The following USP25 variants were observed in gnomAD, a reference collection of about 807,000 sequenced individuals.
The protein encoded by USP25 is ubiquitin carboxyl-terminal hydrolase 25.
In USP25, 85 loss-of-function variants were observed where a neutral mutation model predicts 158.5. The ratio of observed to expected loss-of-function variants is 0.54; its 90% CI spans 0.45 to 0.64. USP25 has a LOEUF of 0.64. USP25 is among the 30% of genes least tolerant of loss of function. The probability of loss-of-function intolerance (pLI) is 0.00; values close to 1 mark genes in which losing one functional copy is unlikely to be tolerated. For missense variants in USP25, 1,242 were observed against 1,327.3 expected (o/e 0.94, Z 1.00); for synonymous variants, 464 against 460.4 (o/e 1.01, Z -0.10).
intron 17 of USP25, 53 bp from the exon 18 acceptor site, chr21:15,842,345 G>A: frequency 3.2e-6 from 5 of 1,571,730 alleles, no homozygotes; most frequent in South Asian, 1.2e-5. Context: ...ATTTATCTTA[G>A]TATAGACTCT....
At chr21:15,825,260 T>A (rs1026325656) in intron 12 of USP25, among the ~76,000 whole-genome samples, 199 bp downstream of exon 12, 1 of 152,232 alleles carries the variant, frequency 6.6e-6, no homozygotes, top group African/African-American at 2.4e-5. Context: ...AAATTAAATA[T>A]CTCATTGTCA....
intron 14 of USP25, among the ~76,000 whole-genome samples, chr21:15,829,694 C>T (rs1348354061): frequency 6.6e-6 from 1 of 152,110 alleles, no homozygotes; most frequent in Non-Finnish European, 1.5e-5. Flanking sequence ...GATATTAACA[C>T]TTTACCTATA....
At chr21:15,765,025 C>G (rs1745119568) in intron 2 of USP25, among the ~76,000 whole-genome samples, 1 of 152,226 alleles carries the variant, frequency 6.6e-6, no homozygotes. Context: ...CTCCTCTAGT[C>G]TATTCTTAAT....
chr21:15,818,959 A>T, intron 10 of USP25, 113 bp downstream of exon 10: 1 of 1,267,890 alleles, frequency 7.9e-7, no homozygotes. Flanking sequence ...GAGAATACTC[A>T]GAGAGTATGT....
In USP25 at chr21:15,745,617, A is replaced by C. The variant is rs574810079; in HGVS notation, c.45+15179A>C. On this transcript the variant is annotated intron_variant, in intron 1 of 25. Coordinates refer to ENST00000400183, the MANE Select transcript of USP25 (RefSeq NM_001283041.3). ...CAGCCTCCTGAGTAGCTGGGATTACAGGCATGCACCACCACGCTCAGCTAA... is the reference window on the plus strand; with the variant it reads ...CAGCCTCCTGAGTAGCTGGGATTACCGGCATGCACCACCACGCTCAGCTAA... Among the ~76,000 whole-genome samples, 4 of 151,652 alleles carry C rather than the reference A, an allele frequency of 2.6e-5. No homozygotes were observed. The East Asian group carries it at 7.8e-4, about 29-fold the overall frequency.
At chr21:15,846,869 C>T (rs1423328659) in intron 18 of USP25, among the ~76,000 whole-genome samples, 3 of 151,964 alleles carry the variant, frequency 2.0e-5, no homozygotes, top group African/African-American at 7.3e-5. Context: ...ATGAAATTTT[C>T]TGAATTTTAC....
chr21:15,872,256 ATC>A (rs2039927015), intron 23 of USP25, among the ~76,000 whole-genome samples: 1 of 152,136 alleles, frequency 6.6e-6, no homozygotes, highest in Non-Finnish European at 1.5e-5. Flanking sequence ...ATCTTATTTT[ATC>A]TTAGATAAGA....
At chr21:15,870,010 T>C in intron 22 of USP25, 58 bp from the exon 23 acceptor site, 2 of 1,332,038 alleles carry the variant, frequency 1.5e-6, no homozygotes, top group Non-Finnish European at 2.1e-6. Context: ...TTTGTACAGT[T>C]TCATAGTACT....
At chr21:15,847,293 A>G (rs2038667112) in intron 18 of USP25, among the ~76,000 whole-genome samples, 1 of 152,272 alleles carries the variant, frequency 6.6e-6, no homozygotes, top group East Asian at 1.9e-4. Context: ...CAACTCCACT[A>G]TTTTTTATCT....
chr21:15,813,646 A>G (rs9979474), intron 9 of USP25, among the ~76,000 whole-genome samples: 3,181 of 152,216 alleles, frequency 0.021, 117 homozygotes, highest in African/African-American at 0.07. Flanking sequence ...ATCAATATTT[A>G]CACATTGTCT....
Position 15,766,696 on chromosome 21 carries a change from G to A in USP25, c.268+555G>A, listed in dbSNP as rs1451738066. Among the ~76,000 whole-genome samples, 1 of 151,928 alleles carries A rather than the reference G, an allele frequency of 6.6e-6. No homozygotes were observed. The highest frequency in any genetic ancestry group is 1.9e-4 in the East Asian group (1 of 5,190). ...ACGTACATGTGGAAGATTCTATGTG[G>A]GACTTAAGTTTTTCTTCATAATATG... On this transcript the variant is annotated intron_variant, in intron 3 of 25. Coordinates refer to ENST00000400183, the MANE Select transcript of USP25 (RefSeq NM_001283041.3). This position sits in a 1 kb window ranked among gnomAD's most constrained non-coding sequence, Gnocchi z 4.0.
At chr21:15,779,022 A>G (rs1014107058) in intron 4 of USP25, among the ~76,000 whole-genome samples, 6 of 152,144 alleles carry the variant, frequency 3.9e-5, no homozygotes, top group Non-Finnish European at 4.4e-5. Context: ...ATATGGTAGG[A>G]AATGTTTCAA....
intron 5 of USP25, among the ~76,000 whole-genome samples, chr21:15,793,141 A>G (rs1049476596): frequency 6.6e-5 from 10 of 151,682 alleles, no homozygotes; most frequent in African/African-American, 1.2e-4. Context: ...TGTTTGGTCA[A>G]GTAGATGCTA....
intron 4 of USP25, among the ~76,000 whole-genome samples, chr21:15,789,346 A>G (rs923064503): frequency 6.6e-6 from 1 of 152,074 alleles, no homozygotes; most frequent in African/African-American, 2.4e-5. Context: ...CTTAGGGTGT[A>G]TTGTGCAGAA....
At chr21:15,772,404 G>T (rs1036055946) in intron 3 of USP25, among the ~76,000 whole-genome samples, 1 of 152,170 alleles carries the variant, frequency 6.6e-6, no homozygotes, top group Admixed American at 6.5e-5. Flanking sequence ...TTATACAGTG[G>T]CACCCAGCTA....
intron 9 of USP25, among the ~76,000 whole-genome samples, chr21:15,818,173 A>G (rs751809439): frequency 2.6e-5 from 4 of 152,156 alleles, no homozygotes; most frequent in Admixed American, 6.6e-5. Flanking sequence ...GTCCTTTGCC[A>G]TGGAGGTCTT....
intron 9 of USP25, among the ~76,000 whole-genome samples, chr21:15,815,132 C>T (rs2036870476): frequency 6.6e-6 from 1 of 152,130 alleles, no homozygotes; most frequent in Non-Finnish European, 1.5e-5. Context: ...GGGTGCAAGC[C>T]CCAAACCTTG....
At chr21:15,825,129 A>G in intron 12 of USP25, 68 bp downstream of exon 12, 1 of 1,204,162 alleles carries the variant, frequency 8.3e-7, no homozygotes, top group Non-Finnish European at 1.2e-6. Flanking sequence ...TAGATTTTTA[A>G]TTTCAAATTT....
At chr21:15,795,344 T>C (rs1296794301) in intron 5 of USP25, among the ~76,000 whole-genome samples, 1 of 151,684 alleles carries the variant, frequency 6.6e-6, no homozygotes, top group Non-Finnish European at 1.5e-5. Context: ...TGTCAATTGC[T>C]ACCTTTTTCC....
Sources: gnomAD v4.1 joint callset for allele counts (sites outside exome capture counted in the v4.1 genomes callset) on GRCh38, gnomAD v4.1.1 for gene constraint, Gnocchi (gnomAD v3.1) non-coding constraint, MANE v1.5 for transcripts, NCBI Gene and HGNC (gene_info 2026-07-23, HGNC 2026-07-21) for gene names.